RXFP2: variants seen among roughly 807,000 people sequenced by gnomAD.
RXFP2 encodes relaxin family peptide receptor 2.
A neutral mutation model predicts 88.6 loss-of-function variants in RXFP2; 68 were observed. The ratio of observed to expected loss-of-function variants is 0.77; its 90% CI spans 0.63 to 0.94. The LOEUF is 0.94. Ranked by LOEUF, RXFP2 falls within the 40% of genes least tolerant of loss-of-function variation. RXFP2 has a pLI of 0.00. For synonymous variants in RXFP2, 329 were observed against 306.8 expected (o/e 1.07, Z -0.76); for missense variants, 791 against 893.9 (o/e 0.88, Z 1.47).
chr13:31,791,709 T>C (rs1469512243), intron 14 of RXFP2, 97 bp from the exon 15 acceptor site: 1 of 829,450 alleles, frequency 1.2e-6, no homozygotes, highest in African/African-American at 1.7e-5. Context: ...CCTAGTGAAG[T>C]TGTATACCTA....
chr13:31,801,258 A>G (rs1874327118), intron 17 of RXFP2, among the ~76,000 whole-genome samples: 1 of 152,084 alleles, frequency 6.6e-6, no homozygotes, highest in Non-Finnish European at 1.5e-5. Context: ...AAGATGTGAG[A>G]GGAAGTAGCG....
intron 17 of RXFP2, among the ~76,000 whole-genome samples, chr13:31,799,213 T>C (rs1050255960): frequency 4.0e-4 from 54 of 133,998 alleles, no homozygotes; most frequent in Non-Finnish European, 7.0e-4. Context: ...GTCTCCACAC[T>C]TTCTTCAAAA....
In RXFP2 at chr13:31,787,367, A is replaced by T. The variant is rs142774923; in HGVS notation, c.1073+730A>T. ...GCAAGATTTAGGTTTCTCTCTTACC[A>T]GATATTAGTGAGCATCCACTGATGA... On this transcript the variant is annotated intron_variant, in intron 13 of 17. Transcript: ENST00000298386. Among the ~76,000 whole-genome samples the T allele has an allele frequency of 2.5e-3, 388 of 152,346 alleles. 3 individuals are homozygous for T. The highest frequency in any genetic ancestry group is 8.6e-3 in the African/African-American group (356 of 41,586).
intron 8 of RXFP2, among the ~76,000 whole-genome samples, chr13:31,778,069 T>C (rs1448485313): frequency 2.0e-5 from 3 of 152,162 alleles, no homozygotes; most frequent in South Asian, 4.1e-4. Flanking sequence ...TTTCCCCAAA[T>C]TCCCCCTACT....
chr13:31,765,537 G>A (rs1381513676), intron 4 of RXFP2, among the ~76,000 whole-genome samples: 1 of 151,900 alleles, frequency 6.6e-6, no homozygotes, highest in East Asian at 1.9e-4. Flanking sequence ...CATGAAGCTA[G>A]TAGCTATGTT....
At chr13:31,748,729 G>A (rs1035515043) in intron 1 of RXFP2, among the ~76,000 whole-genome samples, 7 of 152,170 alleles carry the variant, frequency 4.6e-5, no homozygotes, top group African/African-American at 1.2e-4. Flanking sequence ...AATCTCGCCT[G>A]TAATCCCAGC....
chr13:31,769,424 C>T (rs1373645406), intron 5 of RXFP2, among the ~76,000 whole-genome samples: 1 of 152,188 alleles, frequency 6.6e-6, no homozygotes, highest in African/African-American at 2.4e-5. Flanking sequence ...CCCTCCACCA[C>T]ACCACTAATC....
chr13:31,781,632 C>T, intron 9 of RXFP2, 39 bp from the exon 10 acceptor site: 1 of 1,436,976 alleles, frequency 7.0e-7, no homozygotes, highest in Non-Finnish European at 9.8e-7. Context: ...ATGATTTGTA[C>T]AAAAAATATT....
chr13:31,801,762 T>G (rs909417779), intron 17 of RXFP2, among the ~76,000 whole-genome samples: 1 of 152,174 alleles, frequency 6.6e-6, no homozygotes, highest in Non-Finnish European at 1.5e-5. Context: ...TCTGGCTTGG[T>G]CCAGGGGACC....
In RXFP2 at chr13:31,776,900, C is replaced by T. The variant is rs114632591; in HGVS notation, c.642-476C>T. 9.2e-3 allele frequency among the ~76,000 whole-genome samples: 1,400 copies of T among 152,282 alleles called. 24 individuals are homozygous for T. The highest frequency in any genetic ancestry group is 0.032 in the African/African-American group (1,324 of 41,556). On this transcript the variant is annotated intron_variant, in intron 7 of 17. Coordinates refer to ENST00000298386, the MANE Select transcript of RXFP2 (RefSeq NM_130806.5). Reference sequence around the variant, plus strand: ...CACCCAGAAAGCTCCTTATGAATAGCGTGACATCCATCCATTGATTTAAAC... The same window carrying T: ...CACCCAGAAAGCTCCTTATGAATAGTGTGACATCCATCCATTGATTTAAAC...
At chr13:31,776,735 C>T (rs1037810765) in intron 7 of RXFP2, among the ~76,000 whole-genome samples, 1 of 152,124 alleles carries the variant, frequency 6.6e-6, no homozygotes, top group African/African-American at 2.4e-5. Context: ...CTGCCCTCAC[C>T]GGCCACTGCA....
intron 13 of RXFP2, 71 bp downstream of exon 13, chr13:31,786,708 A>G: frequency 1.0e-6 from 1 of 990,238 alleles, no homozygotes; most frequent in Non-Finnish European, 1.6e-6. Flanking sequence ...TTATTTTTAA[A>G]TGGGTATTTT....
At chr13:31,785,648 G>A (rs1287049228) in intron 11 of RXFP2, among the ~76,000 whole-genome samples, 1 of 151,844 alleles carries the variant, frequency 6.6e-6, no homozygotes, top group Admixed American at 6.6e-5. Context: ...AGCAGTTCCA[G>A]AGTATCAAAA....
At chr13:31,798,188 C>T (rs1311391996) in intron 17 of RXFP2, among the ~76,000 whole-genome samples, 1 of 152,146 alleles carries the variant, frequency 6.6e-6, no homozygotes, top group Non-Finnish European at 1.5e-5. Context: ...TTTGATAGCC[C>T]TTATGAAAGA....
At chr13:31,749,341 A>G (rs545643142) in intron 1 of RXFP2, among the ~76,000 whole-genome samples, 1 of 152,324 alleles carries the variant, frequency 6.6e-6, no homozygotes, top group Admixed American at 6.5e-5. Flanking sequence ...CTATTGTACC[A>G]TTATAATATG....
At chr13:31,776,115 TTTC>T (rs1566227919) in intron 7 of RXFP2, among the ~76,000 whole-genome samples, 5 of 141,856 alleles carry the variant, frequency 3.5e-5, no homozygotes, top group Non-Finnish European at 6.1e-5. Context: ...TCTTTCTTTC[TTTC>T]TTTCTTTCTT....
At chr13:31,755,527 C>A (rs900705769) in intron 1 of RXFP2, among the ~76,000 whole-genome samples, 2 of 151,960 alleles carry the variant, frequency 1.3e-5, no homozygotes, top group African/African-American at 4.8e-5. Flanking sequence ...TTTCTAACTG[C>A]AAATTACTGC....
chr13:31,786,385 A>T lies in RXFP2; in HGVS notation c.932A>T (p.Asp311Val), dbSNP rs751924925. 1 of 1,601,608 alleles carries T rather than the reference A, an allele frequency of 6.2e-7. No homozygotes were observed. Among genetic ancestry groups the T allele is most frequent in the Non-Finnish European group, 8.6e-7 (1 of 1,168,702 alleles). Reference sequence around the variant, plus strand: ...TGGGTTTTCATTGTCGTCAACAGGGATCTGTCTAGCAATACGATAACGGAA... The same window carrying T: ...TGGGTTTTCATTGTCGTCAACAGGGTTCTGTCTAGCAATACGATAACGGAA... ...FSSLKNLGEL[D>V]LSSNTITELS... The change falls in exon 12 of 18, where the codon GAT (aspartate) becomes GTT (valine). Residue 311 changes from aspartate to valine, a missense_variant and splice_region_variant. Transcript: ENST00000298386.
At chr13:31,781,414 T>A (rs1442741440) in intron 9 of RXFP2, among the ~76,000 whole-genome samples, 2 of 152,112 alleles carry the variant, frequency 1.3e-5, no homozygotes, top group Non-Finnish European at 2.9e-5. Flanking sequence ...TGGGCAATAT[T>A]ATAATTAATA....
Sources: gnomAD v4.1 joint callset for allele counts (sites outside exome capture counted in the v4.1 genomes callset) on GRCh38, gnomAD v4.1.1 for gene constraint, MANE v1.5 for transcripts, NCBI Gene and HGNC (gene_info 2026-07-23, HGNC 2026-07-21) for gene names.